The following TMCO6 variants were observed in gnomAD, a reference collection of about 807,000 sequenced individuals.
The protein encoded by TMCO6 is transmembrane and coiled-coil domains 6, also known as transmembrane and coiled-coil domain-containing protein 6.
TMCO6 carries 47 observed loss-of-function variants against 61.8 expected under a neutral mutation model. The observed-to-expected ratio is 0.76, with a 90% CI of 0.60 to 0.97. The LOEUF (loss-of-function observed/expected upper bound fraction) is 0.97. TMCO6 is among the 50% of genes least tolerant of loss of function. The probability of loss-of-function intolerance (pLI) is 0.00; values close to 1 mark genes in which losing one functional copy is unlikely to be tolerated. For missense variants in TMCO6, 557 were observed against 601.6 expected, an observed-to-expected ratio of 0.93 and a Z score of 0.78; for synonymous variants, 261 against 254.2, an observed-to-expected ratio of 1.03 and a Z score of -0.25.
the TMCO6 span, among the ~76,000 whole-genome samples, chr5:140,602,161 C>T: frequency 1.3e-5 from 2 of 152,194 alleles, no homozygotes; most frequent in Admixed American, 6.5e-5. Context: ...ACTCACACCT[C>T]CAAGGCTTTG....
At chr5:140,617,982 C>A in the TMCO6 span, among the ~76,000 whole-genome samples, 1 of 152,028 alleles carries the variant, frequency 6.6e-6, no homozygotes, top group East Asian at 1.9e-4. Context: ...ACGGGAAAAA[C>A]AAAGTTGGAG....
At chr5:140,621,302 C>T in the TMCO6 span, among the ~76,000 whole-genome samples, 2 of 152,270 alleles carry the variant, frequency 1.3e-5, no homozygotes, top group East Asian at 1.9e-4. Context: ...GACAGAAGAA[C>T]GTGGATTGTG....
At chr5:140,639,270 G>A, upstream of TMCO6, 3 of 467,944 alleles carry the variant, frequency 6.4e-6, no homozygotes, top group South Asian at 6.9e-5. Flanking sequence ...GAATTGGTAA[G>A]ACAGGAAATC....
At chr5:140,641,390 T>C in intron 2 of TMCO6, 1 of 403,846 alleles carries the variant, frequency 2.5e-6, no homozygotes. Flanking sequence ...GAAAGAACCC[T>C]GTATGAAGGC....
intron 11 of TMCO6, 45 bp downstream of exon 11, chr5:140,644,785 C>G: frequency 6.2e-7 from 1 of 1,607,438 alleles, no homozygotes; most frequent in Non-Finnish European, 8.5e-7. Flanking sequence ...TGTTCTGAAG[C>G]CACACAGTGG....
At chr5:140,616,679 C>G in the TMCO6 span, among the ~76,000 whole-genome samples, 77 of 152,288 alleles carry the variant, frequency 5.1e-4, no homozygotes, top group African/African-American at 1.8e-3. Context: ...ACTCATATAT[C>G]TGATAAAAGG....
At chr5:140,633,345 G>A in the TMCO6 span, 2 of 579,050 alleles carry the variant, frequency 3.5e-6, no homozygotes, top group Non-Finnish European at 6.2e-6. Flanking sequence ...TAACAGGAAG[G>A]ATTCTGCAGG....
chr5:140,647,499 C>G, downstream of TMCO6: 3 of 1,612,478 alleles, frequency 1.9e-6, no homozygotes, highest in South Asian at 1.1e-5. Flanking sequence ...CCCTGGCTGC[C>G]GGGCGAGCGC....
In TMCO6 at chr5:140,642,579, C is replaced by G; in HGVS notation, c.604-7C>G. 3 of 1,614,240 alleles carry G rather than the reference C, an allele frequency of 1.9e-6. No homozygotes were observed. Among genetic ancestry groups the G allele is most frequent in the Non-Finnish European group, 2.5e-6 (3 of 1,180,024 alleles). On this transcript the variant is annotated splice_polypyrimidine_tract_variant and splice_region_variant and intron_variant, in intron 5 of 11. Transcript: ENST00000394671. ...TCCAGTCAGATCCTTACCCTGTCTA[C>G]TTCCAGTCCCCCCATGTGGCTGTGC...
chr5:140,635,910 G>A (rs2569193), upstream of TMCO6, among the ~76,000 whole-genome samples: 40,340 of 152,132 alleles, frequency 0.27, 5,522 homozygotes, highest in Non-Finnish European at 0.28. Context: ...AGCTGTAGCT[G>A]TCTGAGCAGA....
At chr5:140,604,367 C>A in the TMCO6 span, among the ~76,000 whole-genome samples, 1 of 151,948 alleles carries the variant, frequency 6.6e-6, no homozygotes, top group Non-Finnish European at 1.5e-5. Flanking sequence ...GCACTCCAGA[C>A]TGGGCAACAC....
the TMCO6 span, among the ~76,000 whole-genome samples, chr5:140,597,493 G>A: frequency 2.1e-3 from 327 of 152,256 alleles, 3 homozygotes; most frequent in Non-Finnish European, 3.9e-3. Flanking sequence ...TCAGACCTCT[G>A]GTATAACCAT....
chr5:140,609,358 C>T, the TMCO6 span: 1 of 259,360 alleles, frequency 3.9e-6, no homozygotes, highest in South Asian at 4.1e-5. Flanking sequence ...AGGAGCTGAG[C>T]AACATCCTGG....
chr5:140,632,469 A>G, the TMCO6 span: 5 of 1,614,172 alleles, frequency 3.1e-6, no homozygotes, highest in Admixed American at 8.3e-5. The surrounding 1 kb of genome is among the most constrained non-coding windows in gnomAD (Gnocchi z 6.2). Context: ...CAGTACCTTG[A>G]GGCCTGGCTT....
At chr5:140,644,861 T>G in intron 11 of TMCO6, 121 bp downstream of exon 11, 1 of 1,504,864 alleles carries the variant, frequency 6.6e-7, no homozygotes, top group Non-Finnish European at 9.1e-7. Context: ...ATAGGTTCCA[T>G]GTCAGAAACT....
chr5:140,611,743 T>A, the TMCO6 span, among the ~76,000 whole-genome samples: 1 of 152,210 alleles, frequency 6.6e-6, no homozygotes, highest in African/African-American at 2.4e-5. Context: ...GGTCTGTAGT[T>A]TTCTTTCCTT....
At chr5:140,609,828 G>A in the TMCO6 span, among the ~76,000 whole-genome samples, 9 of 151,750 alleles carry the variant, frequency 5.9e-5, no homozygotes, top group Non-Finnish European at 1.2e-4. Context: ...TGTTATATTT[G>A]TTCCTAAACA....
chr5:140,608,717 G>A, the TMCO6 span, among the ~76,000 whole-genome samples: 1 of 152,158 alleles, frequency 6.6e-6, no homozygotes, highest in Non-Finnish European at 1.5e-5. Context: ...ATCTGCATAT[G>A]GATATCCAGG....
the TMCO6 span, among the ~76,000 whole-genome samples, chr5:140,612,859 C>T: frequency 6.6e-6 from 1 of 152,218 alleles, no homozygotes; most frequent in African/African-American, 2.4e-5. Context: ...TGTTTCCTCA[C>T]TTTCCTTTTG....
Sources: gnomAD v4.1 joint callset for allele counts (sites outside exome capture counted in the v4.1 genomes callset) on GRCh38, gnomAD v4.1.1 for gene constraint, Gnocchi (gnomAD v3.1) non-coding constraint, MANE v1.5 for transcripts, NCBI Gene and HGNC (gene_info 2026-07-23, HGNC 2026-07-21) for gene names.